MSRA: variants seen among roughly 807,000 people sequenced by gnomAD.
MSRA encodes the protein mitochondrial peptide methionine sulfoxide reductase.
Under a neutral mutation model 31.3 loss-of-function variants are expected in MSRA, and 54 were observed. That is an observed-to-expected ratio of 1.73 (90% confidence interval 1.39 to 2.17). MSRA has a LOEUF of 2.17. MSRA is among the 30% of genes most tolerant of loss of function. The pLI, the probability that MSRA is intolerant of heterozygous loss-of-function variation, is 0.00. For synonymous variants in MSRA, 169 were observed against 116.5 expected (o/e 1.45, Z -2.90); for missense variants, 507 against 300.9 (o/e 1.69, Z -5.07).
intron 1 of MSRA, among the ~76,000 whole-genome samples, chr8:10,144,489 T>C (rs1802970902): frequency 6.6e-6 from 1 of 152,160 alleles, no homozygotes; most frequent in African/African-American, 2.4e-5. Context: ...GTTGTATAGG[T>C]GTTTGTAAAT....
chr8:10,341,851 A>G (rs1220413655), intron 5 of MSRA, among the ~76,000 whole-genome samples: 2 of 152,252 alleles, frequency 1.3e-5, no homozygotes, highest in African/African-American at 4.8e-5. Flanking sequence ...GCGTGTGAAC[A>G]TTAAACAGTC....
Position 10,060,172 on chromosome 8 carries a change from A to G in MSRA, c.142+5514A>G, listed in dbSNP as rs117947618. On this transcript the variant is annotated intron_variant, in intron 1 of 5. Coordinates refer to ENST00000317173, the MANE Select transcript of MSRA (RefSeq NM_012331.5). ...TGATGACTGCACCAGGTTATTCACT[A>G]CAGCTTTGTTTGCAATAGCACAAGA... Among the ~76,000 whole-genome samples, 346 of 152,312 alleles carry G rather than the reference A, an allele frequency of 2.3e-3. 16 individuals carry two copies. The East Asian group carries it at 0.063, about 28-fold the overall frequency.
intron 5 of MSRA, among the ~76,000 whole-genome samples, chr8:10,394,673 C>T (rs1406037289): frequency 6.6e-6 from 1 of 152,250 alleles, no homozygotes; most frequent in Non-Finnish European, 1.5e-5. Context: ...CAAAGCCACG[C>T]TTCCGCTGTG....
chr8:10,061,942 G>A (rs748406827), intron 1 of MSRA, among the ~76,000 whole-genome samples: 2 of 152,324 alleles, frequency 1.3e-5, no homozygotes, highest in South Asian at 4.1e-4. Context: ...TGCAGTCCAC[G>A]TGGGGCCTTG....
intron 1 of MSRA, among the ~76,000 whole-genome samples, chr8:10,075,272 A>G (rs1797944985): frequency 6.6e-6 from 1 of 152,210 alleles, no homozygotes; most frequent in Non-Finnish European, 1.5e-5. Context: ...GATTGAGCTT[A>G]TATTCTGTAG....
intron 2 of MSRA, among the ~76,000 whole-genome samples, chr8:10,233,174 A>G (rs1173318951): frequency 1.3e-5 from 2 of 152,126 alleles, no homozygotes; most frequent in Non-Finnish European, 2.9e-5. Flanking sequence ...TCTGGGTTTT[A>G]CCTGTTTCTT....
intron 1 of MSRA, among the ~76,000 whole-genome samples, chr8:10,141,442 C>G (rs1227326178): frequency 2.6e-5 from 4 of 152,220 alleles, no homozygotes; most frequent in Admixed American, 2.6e-4. Flanking sequence ...ACAAGACATA[C>G]ATTGTCACCC....
intron 5 of MSRA, among the ~76,000 whole-genome samples, chr8:10,383,610 C>T (rs1806209253): frequency 6.6e-6 from 1 of 152,116 alleles, no homozygotes; most frequent in African/African-American, 2.4e-5. Flanking sequence ...GTTTTGGAAA[C>T]CATATTAGAC....
rs764380195 is a variant in MSRA, at chr8:10,105,639, C to A, written c.142+50981C>A. 2.0e-5 allele frequency among the ~76,000 whole-genome samples: 3 copies of A among 152,148 alleles called. No homozygotes were observed. The East Asian group carries it at 5.8e-4, about 29-fold the overall frequency. ...ATGTTCTGTTGATCTGATTATAGTGCTTTCTATACAGTGAATAATCTCGGT... is the reference window on the plus strand; with the variant it reads ...ATGTTCTGTTGATCTGATTATAGTGATTTCTATACAGTGAATAATCTCGGT... On this transcript the variant is annotated intron_variant, in intron 1 of 5. Transcript: ENST00000317173.
At chr8:10,159,068 C>T (rs1021164619) in intron 1 of MSRA, among the ~76,000 whole-genome samples, 1 of 152,180 alleles carries the variant, frequency 6.6e-6, no homozygotes, top group Non-Finnish European at 1.5e-5. Context: ...GAGAGAGGTG[C>T]AGGCAGATTA....
chr8:10,428,316 C>T lies in MSRA; in HGVS notation c.*4C>T. 1.2e-6 allele frequency: 2 copies of T among 1,611,916 alleles called. No individual in the cohort carries two copies. The highest frequency in any genetic ancestry group is 1.7e-6 in the Non-Finnish European group (2 of 1,179,514). ...CCCAGTGGGTATTAAAAAATAATTTCTCCCCACATGGTGGGCCTTTGAGGT... is the reference window on the plus strand; with the variant it reads ...CCCAGTGGGTATTAAAAAATAATTTTTCCCCACATGGTGGGCCTTTGAGGT... On this transcript the variant is annotated 3_prime_UTR_variant, in exon 6 of 6. Coordinates refer to ENST00000317173, the MANE Select transcript of MSRA (RefSeq NM_012331.5).
At chr8:10,146,059 G>A (rs987308736) in intron 1 of MSRA, among the ~76,000 whole-genome samples, 1 of 152,174 alleles carries the variant, frequency 6.6e-6, no homozygotes, top group Non-Finnish European at 1.5e-5. Flanking sequence ...CAAACAGTGC[G>A]CTGTAGTCAC....
At chr8:10,212,898 TA>T (rs1319302434) in intron 2 of MSRA, among the ~76,000 whole-genome samples, 1 of 152,222 alleles carries the variant, frequency 6.6e-6, no homozygotes, top group East Asian at 1.9e-4. Context: ...TTTTTTAATT[TA>T]AAAGTTTTGT....
intron 1 of MSRA, among the ~76,000 whole-genome samples, chr8:10,171,346 C>G (rs965462041): frequency 6.7e-6 from 1 of 149,746 alleles, no homozygotes; most frequent in Non-Finnish European, 1.5e-5. Flanking sequence ...ATTTTAAGAG[C>G]ACTATCCCAA....
intron 1 of MSRA, among the ~76,000 whole-genome samples, chr8:10,072,968 G>T (rs1315589078): frequency 6.6e-6 from 1 of 152,150 alleles, no homozygotes; most frequent in African/African-American, 2.4e-5. Context: ...CAACCTTGCT[G>T]AACTCACTTT....
chr8:10,246,895 A>G (rs1797650379), intron 3 of MSRA, among the ~76,000 whole-genome samples: 1 of 152,180 alleles, frequency 6.6e-6, no homozygotes, highest in South Asian at 2.1e-4. Context: ...AATCCTGGAG[A>G]TCACCCAGGT....
chr8:10,170,464 A>G (rs1481362950), intron 1 of MSRA, among the ~76,000 whole-genome samples: 1 of 152,130 alleles, frequency 6.6e-6, no homozygotes, highest in Non-Finnish European at 1.5e-5. Context: ...TTGGTTTTGG[A>G]CTTCCCAGCC....
intron 3 of MSRA, among the ~76,000 whole-genome samples, chr8:10,293,241 A>C (rs1249946712): frequency 6.6e-6 from 1 of 152,160 alleles, no homozygotes; most frequent in Non-Finnish European, 1.5e-5. Flanking sequence ...CGCCATCCCT[A>C]TGATGGGCCA....
rs538578165 is a variant in MSRA at position 10,146,471 on chromosome 8, G to A, written c.143-61362G>A. 5.9e-5 allele frequency among the ~76,000 whole-genome samples: 9 copies of A among 152,292 alleles called. No individual in the cohort carries two copies. In the East Asian group the frequency reaches 9.7e-4, roughly 16 times the overall value. On this transcript the variant is annotated intron_variant, in intron 1 of 5. Transcript: ENST00000317173. ...ACTGTGAGTAAAACAGCTGCTGCCT[G>A]AAATCCAGACACAGGAAGCAGGTGA... is the stretch of plus-strand genomic sequence containing the variant.
Sources: allele counts gnomAD v4.1 joint callset (sites outside exome capture counted in the v4.1 genomes callset), GRCh38; gene constraint gnomAD v4.1.1; transcripts MANE v1.5; gene names NCBI Gene and HGNC (gene_info 2026-07-23, HGNC 2026-07-21).